Variants in DCBLD2 observed in about 807,000 individuals in gnomAD.
The protein encoded by DCBLD2 is discoidin, CUB and LCCL domain containing 2.
Under a neutral mutation model 86.8 loss-of-function variants are expected in DCBLD2, and 54 were observed. That is an observed-to-expected ratio of 0.62 (90% CI 0.50 to 0.78). The LOEUF is 0.78. DCBLD2 is among the 30% of genes least tolerant of loss of function. The pLI is 0.00. For synonymous variants in DCBLD2, 354 were observed against 341.3 expected, an observed-to-expected ratio of 1.04 and a Z score of -0.41; for missense variants, 908 against 954.2, an observed-to-expected ratio of 0.95 and a Z score of 0.64.
At chr3:98,844,155 T>C (rs889145941) in intron 3 of DCBLD2, among the ~76,000 whole-genome samples, 2 of 152,072 alleles carry the variant, frequency 1.3e-5, no homozygotes, top group African/African-American at 4.8e-5. Flanking sequence ...CACTGTTTTA[T>C]AACTACAACT....
At chr3:98,881,907 T>C (rs146438238) in intron 1 of DCBLD2, 140 bp from the exon 2 acceptor site, 5 of 833,702 alleles carry the variant, frequency 6.0e-6, no homozygotes, top group African/African-American at 5.2e-5. Context: ...TTTTTTTTAA[T>C]GGACAAATAA....
rs72934639 is a variant in DCBLD2, at chr3:98,801,314, C to T, written c.1720+286G>A. On this transcript the variant is annotated intron_variant, in intron 14 of 15. Transcript: ENST00000326840. Reference sequence around the variant, plus strand: ...AGTGTTCACGTGGGCCACAGAAAGCCGGTCTCCTCATGAGAAACAGATACA... The same window carrying T: ...AGTGTTCACGTGGGCCACAGAAAGCTGGTCTCCTCATGAGAAACAGATACA... The T allele has an allele frequency of 2.6e-3, 960 of 372,014 alleles. 7 individuals are homozygous for T. Among genetic ancestry groups the T allele is most frequent in the African/African-American group, 0.017 (813 of 48,424 alleles). 23.0% of individuals were successfully genotyped at this position (372,014 alleles called of 1,614,324 possible). A position where few individuals can be genotyped will look rare whatever the true frequency, so the allele number is the denominator to read the frequency against.
intron 2 of DCBLD2, among the ~76,000 whole-genome samples, chr3:98,871,403 T>A (rs571661932): frequency 6.6e-6 from 1 of 152,294 alleles, no homozygotes; most frequent in East Asian, 1.9e-4. Context: ...TCATTCAGTA[T>A]GTTGGCTGTG....
intron 2 of DCBLD2, among the ~76,000 whole-genome samples, chr3:98,857,365 T>TGCCACTGCTGGCTCGCCACTGCTGGCTC (rs939899733): frequency 6.6e-6 from 1 of 152,224 alleles, no homozygotes; most frequent in African/African-American, 2.4e-5. Flanking sequence ...CAAGCTGGGT[T>TGCCACTGCTGGCTCGCCACTGCTGGCTC]GCCACTGCTG....
intron 13 of DCBLD2, among the ~76,000 whole-genome samples, chr3:98,807,036 A>T (rs1217208132): frequency 6.6e-6 from 1 of 152,070 alleles, no homozygotes; most frequent in Non-Finnish European, 1.5e-5. Context: ...CAATCATCTG[A>T]CAATATCACC....
At chr3:98,845,236 C>T (rs1212365627) in intron 3 of DCBLD2, among the ~76,000 whole-genome samples, 3 of 152,046 alleles carry the variant, frequency 2.0e-5, no homozygotes, top group Non-Finnish European at 2.9e-5. Context: ...GGGGAAAAAG[C>T]TTTATTAAAA....
At chr3:98,839,207 C>CCTTCCTTCCT (rs1559781685) in intron 3 of DCBLD2, among the ~76,000 whole-genome samples, 1 of 148,078 alleles carries the variant, frequency 6.8e-6, no homozygotes, top group Non-Finnish European at 1.5e-5. Flanking sequence ...TTCCTTCCTT[C>CCTTCCTTCCT]TTTCTTTCCT....
chr3:98,863,697 T>G (rs1198137895), intron 2 of DCBLD2, among the ~76,000 whole-genome samples: 1 of 152,202 alleles, frequency 6.6e-6, no homozygotes, highest in Non-Finnish European at 1.5e-5. Context: ...CCTTACACCT[T>G]ATACAAAAAT....
chr3:98,802,891 C>T (rs1353158001), intron 13 of DCBLD2, among the ~76,000 whole-genome samples: 4 of 152,132 alleles, frequency 2.6e-5, no homozygotes, highest in South Asian at 4.1e-4. Flanking sequence ...GGGCTCTGTT[C>T]TGTTCCATTG....
chr3:98,834,884 T>G (rs1288262353), intron 3 of DCBLD2, among the ~76,000 whole-genome samples: 1 of 151,994 alleles, frequency 6.6e-6, no homozygotes, highest in Non-Finnish European at 1.5e-5. Flanking sequence ...AAGCTGCCTG[T>G]CATAATCCCA....
intron 2 of DCBLD2, among the ~76,000 whole-genome samples, chr3:98,856,240 T>C (rs1942929244): frequency 6.6e-6 from 1 of 152,176 alleles, no homozygotes; most frequent in Non-Finnish European, 1.5e-5. Context: ...TCCAGTTAAA[T>C]GCTGAGAAAT....
chr3:98,880,100 G>A (rs17278047), intron 2 of DCBLD2, among the ~76,000 whole-genome samples: 2 of 152,166 alleles, frequency 1.3e-5, no homozygotes, highest in African/African-American at 2.4e-5. Flanking sequence ...CATGCAATAC[G>A]CACGTGGTGC....
At chr3:98,897,606 T>G (rs1943772133) in intron 1 of DCBLD2, among the ~76,000 whole-genome samples, 1 of 152,154 alleles carries the variant, frequency 6.6e-6, no homozygotes, top group African/African-American at 2.4e-5. Context: ...AGGCATTCCT[T>G]GACAGAATAT....
chr3:98,866,783 T>C (rs1434119561), intron 2 of DCBLD2, among the ~76,000 whole-genome samples: 2 of 152,244 alleles, frequency 1.3e-5, no homozygotes, highest in Admixed American at 6.5e-5. Context: ...TCCTTGCCCA[T>C]GCCTATGTCC....
At chr3:98,865,987 G>A (rs1943136081) in intron 2 of DCBLD2, among the ~76,000 whole-genome samples, 1 of 151,724 alleles carries the variant, frequency 6.6e-6, no homozygotes, top group Admixed American at 6.6e-5. Context: ...GTGATAGTTT[G>A]CTGAGAATGA....
chr3:98,837,079 GCGGC>G (rs1942479215), intron 3 of DCBLD2, among the ~76,000 whole-genome samples: 7 of 18,334 alleles, frequency 3.8e-4, no homozygotes, highest in Non-Finnish European at 5.0e-4. Flanking sequence ...CCCGGACGGG[GCGGC>G]TGGCCGGGCG....
intron 2 of DCBLD2, among the ~76,000 whole-genome samples, chr3:98,866,397 C>T (rs1378460908): frequency 6.6e-6 from 1 of 152,198 alleles, no homozygotes; most frequent in Non-Finnish European, 1.5e-5. Context: ...TTAATGATCA[C>T]CATTCTAACT....
At position 98,901,573 on chromosome 3, in the gene DCBLD2, G is replaced by GTT; in HGVS notation, c.-248_-247insAA. On this transcript the variant is annotated 5_prime_UTR_variant, in exon 1 of 16. Transcript: ENST00000326840. ...AGGGGAGGGGAGGGAAGGAAGCGGA[G>GTT]TCCTCGAGCCGCGGAGGACGGCCGC... 3.0e-6 allele frequency: 1 copy of GTT among 334,998 alleles called. No homozygotes were observed. The highest frequency in any genetic ancestry group is 5.3e-6 in the Non-Finnish European group (1 of 188,482). 20.8% of individuals were successfully genotyped at this position (334,998 alleles called of 1,614,324 possible). A position where few individuals can be genotyped will look rare whatever the true frequency, so the allele number is the denominator to read the frequency against.
intron 2 of DCBLD2, among the ~76,000 whole-genome samples, chr3:98,861,864 ATAAC>A (rs1943050207): frequency 6.6e-6 from 1 of 152,222 alleles, no homozygotes; most frequent in African/African-American, 2.4e-5. Flanking sequence ...AAGGCAAGAA[ATAAC>A]TAAGATCAGA....
Sources: gnomAD v4.1 joint callset for allele counts (sites outside exome capture counted in the v4.1 genomes callset) on GRCh38, gnomAD v4.1.1 for gene constraint, MANE v1.5 for transcripts, NCBI Gene and HGNC (gene_info 2026-07-23, HGNC 2026-07-21) for gene names.